Variants in PARD3 observed in about 807,000 individuals in gnomAD.
PARD3 encodes the protein partitioning defective 3 homolog.
Under a neutral mutation model 155.4 loss-of-function variants are expected in PARD3, and 75 were observed. The observed-to-expected ratio is 0.48, with a 90% confidence interval of 0.40 to 0.58. The LOEUF is 0.58. Among genes scored for constraint, PARD3 ranks in the 20% least tolerant of loss-of-function variants. The pLI is 0.00. For missense variants in PARD3, 1,642 were observed against 1,721.7 expected (o/e 0.95, Z 0.82); for synonymous variants, 576 against 610.5 (o/e 0.94, Z 0.83).
chr10:34,369,365 CGTTAGT>C (rs1840349526), intron 12 of PARD3, among the ~76,000 whole-genome samples: 1 of 150,946 alleles, frequency 6.6e-6, no homozygotes, highest in Admixed American at 6.6e-5. Flanking sequence ...TATCTGCTAT[CGTTAGT>C]GTTAGTGTAT....
intron 2 of PARD3, among the ~76,000 whole-genome samples, chr10:34,621,339 G>A (rs994192058): frequency 8.5e-5 from 13 of 152,084 alleles, no homozygotes; most frequent in African/African-American, 2.9e-4. Context: ...TGGGATTACA[G>A]GTATGTGCCA....
rs577831123 is a variant in PARD3, at chr10:34,469,654, T to C, written c.582+431A>G. Among the ~76,000 whole-genome samples, 4 of 152,262 alleles carry C rather than the reference T, an allele frequency of 2.6e-5. No individual in the cohort carries two copies. The East Asian group carries it at 7.7e-4, about 29-fold the overall frequency. On this transcript the variant is annotated intron_variant, in intron 4 of 24. Coordinates refer to ENST00000374788, the MANE Select transcript of PARD3 (RefSeq NM_001184785.2). The stretch of plus-strand genomic sequence containing the variant: ...GTTCTAAGTTCCTTAATGTACCTCA[T>C]GAACCAATATAAATATTTGCTTATA...
chr10:34,702,605 C>A (rs534043768), intron 1 of PARD3, among the ~76,000 whole-genome samples: 1 of 152,144 alleles, frequency 6.6e-6, no homozygotes, highest in African/African-American at 2.4e-5. Flanking sequence ...TGAATATTTA[C>A]GTACTGATTA....
intron 1 of PARD3, among the ~76,000 whole-genome samples, chr10:34,809,161 C>G (rs1843756583): frequency 6.6e-6 from 1 of 152,242 alleles, no homozygotes; most frequent in South Asian, 2.1e-4. Flanking sequence ...CACACCAAAC[C>G]TTAAAGTCCT....
chr10:34,778,972 A>C lies in PARD3; in HGVS notation c.120+35904T>G, dbSNP rs1375817041. ...ATCCTTCAGCATACATAGTATATTT[A>C]GTTGTTCAGTATTAATATGTTTAAA... On this transcript the variant is annotated intron_variant, in intron 1 of 24. Transcript: ENST00000374788. 1.3e-5 allele frequency among the ~76,000 whole-genome samples: 2 copies of C among 152,214 alleles called. 1 individual carries two copies. Among genetic ancestry groups the C allele is most frequent in the Non-Finnish European group, 2.9e-5 (2 of 68,032 alleles).
intron 20 of PARD3, among the ~76,000 whole-genome samples, chr10:34,309,958 G>C (rs1046859328): frequency 6.7e-5 from 10 of 148,822 alleles, no homozygotes; most frequent in African/African-American, 2.5e-4. Flanking sequence ...ATTTCACTAT[G>C]ATCCAAAATT....
chr10:34,707,380 G>A (rs917478348), intron 1 of PARD3, among the ~76,000 whole-genome samples: 4 of 152,174 alleles, frequency 2.6e-5, no homozygotes, highest in African/African-American at 4.8e-5. Flanking sequence ...TGGGAGTCCA[G>A]GCCAGCATCA....
chr10:34,597,618 T>G (rs938348984), intron 2 of PARD3, among the ~76,000 whole-genome samples: 1 of 152,150 alleles, frequency 6.6e-6, no homozygotes, highest in African/African-American at 2.4e-5. Flanking sequence ...AAAAACAATT[T>G]TCACTTTGCC....
chr10:34,162,462 T>C (rs74131630), intron 22 of PARD3, among the ~76,000 whole-genome samples: 10,784 of 152,210 alleles, frequency 0.071, 1,002 homozygotes, highest in East Asian at 0.3. Flanking sequence ...ACTAGCTGAG[T>C]GAAGGAGTTT....
chr10:34,203,319 C>T (rs971756021), intron 22 of PARD3, among the ~76,000 whole-genome samples: 7 of 152,200 alleles, frequency 4.6e-5, no homozygotes, highest in Non-Finnish European at 1.0e-4. Flanking sequence ...TCATTCTAGA[C>T]ACAGATCAAA....
At chr10:34,121,288 A>G (rs192144271) in intron 23 of PARD3, among the ~76,000 whole-genome samples, 36 of 152,272 alleles carry the variant, frequency 2.4e-4, no homozygotes, top group Non-Finnish European at 8.8e-5. Flanking sequence ...AAAATATACA[A>G]TGGTGCCTCT....
chr10:34,151,416 GT>G (rs60968002), intron 22 of PARD3, among the ~76,000 whole-genome samples: 70 of 151,290 alleles, frequency 4.6e-4, no homozygotes, highest in Non-Finnish European at 6.9e-4. Context: ...GAGAAGAGAG[GT>G]TTTTTTTTAA....
chr10:34,368,499 T>C (rs925680247), intron 12 of PARD3, among the ~76,000 whole-genome samples: 5 of 151,712 alleles, frequency 3.3e-5, no homozygotes, highest in African/African-American at 1.2e-4. Context: ...GGTGAAACCC[T>C]GTCTCTACTA....
At chr10:34,467,826 C>G (rs746906394) in intron 4 of PARD3, among the ~76,000 whole-genome samples, 64 of 152,156 alleles carry the variant, frequency 4.2e-4, no homozygotes, top group Non-Finnish European at 7.8e-4. Context: ...CAGTGAGAGT[C>G]TCAGTGCTCT....
At chr10:34,537,378 CA>C (rs2083298288) in intron 2 of PARD3, among the ~76,000 whole-genome samples, 1 of 151,976 alleles carries the variant, frequency 6.6e-6, no homozygotes, top group South Asian at 2.1e-4. Flanking sequence ...AAATTAAAAA[CA>C]AAATGAAAAA....
At chr10:34,751,432 T>C (rs1276750541) in intron 1 of PARD3, among the ~76,000 whole-genome samples, 1 of 152,178 alleles carries the variant, frequency 6.6e-6, no homozygotes, top group African/African-American at 2.4e-5. Flanking sequence ...GATTTCCCGT[T>C]TATCTATTGC....
intron 21 of PARD3, among the ~76,000 whole-genome samples, chr10:34,273,166 C>T (rs900566236): frequency 2.0e-5 from 3 of 152,054 alleles, no homozygotes; most frequent in South Asian, 2.1e-4. Context: ...AACCTGTATG[C>T]AATTGTTCAT....
At chr10:34,675,865 G>A (rs1006705273) in intron 2 of PARD3, 25 of 200,304 alleles carry the variant, frequency 1.2e-4, no homozygotes, top group East Asian at 2.2e-4. Flanking sequence ...ACACACACAC[G>A]CGCTCATCAC....
intron 2 of PARD3, among the ~76,000 whole-genome samples, chr10:34,569,085 CTTTA>C (rs1217751004): frequency 6.6e-6 from 1 of 152,128 alleles, no homozygotes; most frequent in Non-Finnish European, 1.5e-5. Context: ...TAAGAAATAA[CTTTA>C]TTTTCCTTCA....
Sources: gnomAD v4.1 joint callset for allele counts (sites outside exome capture counted in the v4.1 genomes callset) on GRCh38, gnomAD v4.1.1 for gene constraint, MANE v1.5 for transcripts, NCBI Gene and HGNC (gene_info 2026-07-23, HGNC 2026-07-21) for gene names.